The following ZNF331 variants were observed in gnomAD, a reference collection of about 807,000 sequenced individuals.
The protein encoded by ZNF331 is C2H2-like zinc finger protein rearranged in thyroid adenomas.
ZNF331 carries 2 observed loss-of-function variants against 7.0 expected under a neutral mutation model. The ratio of observed to expected loss-of-function variants is 0.29; its 90% CI spans 0.12 to 0.90. The LOEUF (loss-of-function observed/expected upper bound fraction) is 0.90, where lower values mean the gene tolerates loss of function less well. Among genes scored for constraint, ZNF331 ranks in the 40% least tolerant of loss-of-function variants. ZNF331 has a pLI of 0.58. For missense variants in ZNF331, 432 were observed against 587.7 expected (o/e 0.74, Z 2.74); for synonymous variants, 196 against 205.4 (o/e 0.95, Z 0.39).
At chr19:53,544,401 C>T (rs141391589) in intron 2 of ZNF331, among the ~76,000 whole-genome samples, 1,470 of 140,796 alleles carry the variant, frequency 0.01, 23 homozygotes, top group African/African-American at 0.036. Context: ...AAAAATTAGC[C>T]GGGCGAGGTA....
intron 3 of ZNF331, among the ~76,000 whole-genome samples, chr19:53,561,352 A>G (rs891149137): frequency 7.1e-6 from 1 of 141,456 alleles, no homozygotes; most frequent in African/African-American, 2.6e-5. Context: ...AAAAAAAAAA[A>G]CAAATTAGTC....
upstream of ZNF331, among the ~76,000 whole-genome samples, chr19:53,515,990 GACA>G (rs1339700955): frequency 6.6e-6 from 1 of 152,094 alleles, no homozygotes; most frequent in Non-Finnish European, 1.5e-5. Context: ...TGCCATTTAT[GACA>G]ACAAGAAAAA....
chr19:53,531,386 A>G (rs887129493), intron 2 of ZNF331, among the ~76,000 whole-genome samples: 2 of 152,168 alleles, frequency 1.3e-5, no homozygotes, highest in Non-Finnish European at 2.9e-5. Context: ...AATGTTATTC[A>G]TGTGCCTCTT....
intron 2 of ZNF331, among the ~76,000 whole-genome samples, chr19:53,547,284 A>G (rs1185169283): frequency 1.3e-5 from 2 of 152,252 alleles, no homozygotes; most frequent in East Asian, 3.9e-4. Flanking sequence ...TAATGACATC[A>G]TGCAGGATTT....
rs1337192129 is a variant in ZNF331, at chr19:53,573,929, A to G, written c.136+2199A>G. ...GGACTTCAAGACCAGCCTGGCCAAC[A>G]TGGTGAAAACCCGTCTCTACTAAAA... On this transcript the variant is annotated intron_variant, in intron 5 of 5. Coordinates refer to ENST00000449416, the MANE Select transcript of ZNF331 (RefSeq NM_001079906.2). The surrounding 1 kb of genome is among the most constrained non-coding windows in gnomAD (Gnocchi z 4.2). Among the ~76,000 whole-genome samples, 1 of 152,176 alleles carries G rather than the reference A, an allele frequency of 6.6e-6. No homozygotes were observed. The highest frequency in any genetic ancestry group is 1.5e-5 in the Non-Finnish European group (1 of 68,022).
chr19:53,530,227 A>G (rs1311832406), intron 2 of ZNF331, among the ~76,000 whole-genome samples: 1 of 152,032 alleles, frequency 6.6e-6, no homozygotes, highest in Non-Finnish European at 1.5e-5. Flanking sequence ...CTCACTCACC[A>G]TGGCCAAGAC....
chr19:53,526,697 C>T (rs148760485), intron 2 of ZNF331, among the ~76,000 whole-genome samples: 12,463 of 151,624 alleles, frequency 0.082, 579 homozygotes, highest in Non-Finnish European at 0.11. Context: ...GGACTACAGG[C>T]GCCTGTCACT....
chr19:53,523,147 A>G (rs2087151287), intron 2 of ZNF331: 1 of 152,142 alleles, frequency 6.6e-6, no homozygotes, highest in South Asian at 2.1e-4. Flanking sequence ...GAACATATCC[A>G]TCACCTCACT....
chr19:53,531,130 C>G (rs1394471595), intron 2 of ZNF331, among the ~76,000 whole-genome samples: 1 of 152,112 alleles, frequency 6.6e-6, no homozygotes, highest in Non-Finnish European at 1.5e-5. Context: ...TCCCCTAAAC[C>G]AACATTCTTA....
At position 53,546,140 on chromosome 19, in the gene ZNF331, GAAA is replaced by G. The variant is rs527391326; in HGVS notation, c.-138+6877_-138+6879del. On this transcript the variant is annotated intron_variant, in intron 2 of 5. Transcript: ENST00000449416. ...CCTTCAGAAAAAGCATCCTGAGGGGGAAAAAAAAAAAAAAAAAAAAATTATTAT... is the reference window on the plus strand; with the variant it reads ...CCTTCAGAAAAAGCATCCTGAGGGGGAAAAAAAAAAAAAAAAAATTATTAT... Among the ~76,000 whole-genome samples, 673 of 113,498 alleles carry G rather than the reference GAAA, an allele frequency of 5.9e-3. 12 individuals carry two copies. The highest frequency in any genetic ancestry group is 0.017 in the African/African-American group (598 of 34,382). 74.5% of individuals were successfully genotyped at this position (113,498 alleles called of 152,430 possible).
chr19:53,556,662 G>C (rs1232945981), intron 3 of ZNF331, among the ~76,000 whole-genome samples: 2 of 151,958 alleles, frequency 1.3e-5, no homozygotes, highest in East Asian at 3.9e-4. Context: ...TTTTGAGACA[G>C]GGTCTTACTC....
Position 53,539,963 on chromosome 19 carries a change from A to G in ZNF331, c.-138+681A>G, listed in dbSNP as rs890414555. Among the ~76,000 whole-genome samples, 1 of 152,182 alleles carries G rather than the reference A, an allele frequency of 6.6e-6. No homozygotes were observed. Among genetic ancestry groups the G allele is most frequent in the Non-Finnish European group, 1.5e-5 (1 of 68,030 alleles). ...AAAAATGCACCTGACATAATATTAA[A>G]CACTACTAATAGTTATTAACAATAG... On this transcript the variant is annotated intron_variant, in intron 2 of 5. Coordinates refer to ENST00000449416, the MANE Select transcript of ZNF331 (RefSeq NM_001079906.2). This position sits in a 1 kb window ranked among gnomAD's most constrained non-coding sequence, Gnocchi z 6.1.
At chr19:53,506,327 T>C in the ZNF331 span, among the ~76,000 whole-genome samples, 2 of 62,248 alleles carry the variant, frequency 3.2e-5, no homozygotes, top group African/African-American at 1.3e-4. Flanking sequence ...AGAGCGAGAC[T>C]CCGTCTCAAA....
chr19:53,510,165 G>A, the ZNF331 span, among the ~76,000 whole-genome samples: 4 of 152,202 alleles, frequency 2.6e-5, no homozygotes, highest in Admixed American at 6.5e-5. Context: ...TTCTGTGGGC[G>A]TGACAGTCTT....
intron 3 of ZNF331, among the ~76,000 whole-genome samples, chr19:53,564,515 A>G (rs986413051): frequency 6.6e-6 from 1 of 151,836 alleles, no homozygotes; most frequent in African/African-American, 2.4e-5. Context: ...TCCTGACCTC[A>G]AGTGATCCAC....
chr19:53,551,533 AG>A (rs2089009376), intron 2 of ZNF331, among the ~76,000 whole-genome samples: 1 of 152,250 alleles, frequency 6.6e-6, no homozygotes, highest in Admixed American at 6.5e-5. Flanking sequence ...TACACCTTAT[AG>A]GAGTAGAGAC....
intron 2 of ZNF331, among the ~76,000 whole-genome samples, chr19:53,553,166 GTACTC>G (rs1188442479): frequency 2.0e-5 from 3 of 151,480 alleles, no homozygotes; most frequent in Admixed American, 1.3e-4. Flanking sequence ...TATTTATTCT[GTACTC>G]TACTGTGATA....
At chr19:53,576,125 C>T (rs960574494) in intron 5 of ZNF331, among the ~76,000 whole-genome samples, 1 of 152,084 alleles carries the variant, frequency 6.6e-6, no homozygotes. Flanking sequence ...GCTGGGATTA[C>T]AGTCATGCGC....
chr19:53,503,626 T>G, the ZNF331 span: 7 of 695,978 alleles, frequency 1.0e-5, no homozygotes, highest in South Asian at 1.1e-4. Flanking sequence ...GGAGTGATTC[T>G]GGATGTAAAT....
Sources: gnomAD v4.1 joint callset for allele counts (sites outside exome capture counted in the v4.1 genomes callset) on GRCh38, gnomAD v4.1.1 for gene constraint, Gnocchi (gnomAD v3.1) non-coding constraint, MANE v1.5 for transcripts, NCBI Gene and HGNC (gene_info 2026-07-23, HGNC 2026-07-21) for gene names.